The following HNF4G variants were observed in gnomAD, a reference collection of about 807,000 sequenced individuals.
HNF4G encodes the protein hepatocyte nuclear factor 4-gamma.
HNF4G carries 21 observed loss-of-function variants against 50.9 expected under a neutral mutation model. The ratio of observed to expected loss-of-function variants is 0.41; its 90% confidence interval spans 0.29 to 0.59. The LOEUF is 0.59. HNF4G is among the 20% of genes least tolerant of loss of function. The pLI is 0.26. For missense variants in HNF4G, 527 were observed against 559.4 expected, an observed-to-expected ratio of 0.94 and a Z score of 0.58; for synonymous variants, 198 against 185.6, an observed-to-expected ratio of 1.07 and a Z score of -0.54.
rs1045771911 is a variant in HNF4G at position 75,420,581 on chromosome 8, A to G, written c.-144+12419A>G. On this transcript the variant is annotated intron_variant, in intron 1 of 10. Coordinates refer to the HNF4G transcript ENST00000354370. ...GGCCTTCCTTCATCATTTGTGTTCAATATTCCTTCCAAACCCTTCCCCGAT... is the reference window on the plus strand; with the variant it reads ...GGCCTTCCTTCATCATTTGTGTTCAGTATTCCTTCCAAACCCTTCCCCGAT... 2.0e-5 allele frequency among the ~76,000 whole-genome samples: 3 copies of G among 152,164 alleles called. No individual in the cohort carries two copies. The East Asian group carries it at 5.8e-4, about 29-fold the overall frequency.
At chr8:75,445,677 G>T (rs1232099972) in intron 1 of HNF4G, among the ~76,000 whole-genome samples, 8 of 129,128 alleles carry the variant, frequency 6.2e-5, no homozygotes, top group African/African-American at 2.3e-4. Flanking sequence ...CTAGAAAATC[G>T]AGAAGAAATG....
At chr8:75,518,341 A>T (rs2130740145) in intron 2 of HNF4G, among the ~76,000 whole-genome samples, 1 of 152,118 alleles carries the variant, frequency 6.6e-6, no homozygotes, top group African/African-American at 2.4e-5. Flanking sequence ...ATGGCTGCAT[A>T]GTATTCCATG....
At chr8:75,515,699 C>A (rs1008541436) in intron 2 of HNF4G, among the ~76,000 whole-genome samples, 3 of 151,840 alleles carry the variant, frequency 2.0e-5, no homozygotes, top group Non-Finnish European at 4.4e-5. Flanking sequence ...CACCTTTTCT[C>A]TGACTTTTTC....
chr8:75,527,481 A>G (rs548956680), intron 2 of HNF4G, among the ~76,000 whole-genome samples: 1 of 152,286 alleles, frequency 6.6e-6, no homozygotes, highest in African/African-American at 2.4e-5. Context: ...ATGACTTTGT[A>G]AAAAAATGAT....
chr8:75,418,982 C>T (rs1340394821), intron 1 of HNF4G, among the ~76,000 whole-genome samples: 1 of 152,128 alleles, frequency 6.6e-6, no homozygotes, highest in African/African-American at 2.4e-5. Context: ...CTGCCTCGGC[C>T]TCCTGAAGTG....
At chr8:75,502,879 G>T (rs1386699055) in intron 2 of HNF4G, among the ~76,000 whole-genome samples, 1 of 152,156 alleles carries the variant, frequency 6.6e-6, no homozygotes, top group Non-Finnish European at 1.5e-5. Context: ...GTTAGTAGGG[G>T]AGTAGTCCAA....
chr8:75,431,385 T>C (rs1191282283), intron 1 of HNF4G, among the ~76,000 whole-genome samples: 1 of 152,206 alleles, frequency 6.6e-6, no homozygotes, highest in Non-Finnish European at 1.5e-5. Flanking sequence ...TTAATTATGG[T>C]ATAATCACAG....
chr8:75,448,177 G>C (rs1442674890), intron 1 of HNF4G, among the ~76,000 whole-genome samples: 1 of 133,726 alleles, frequency 7.5e-6, no homozygotes, highest in African/African-American at 2.8e-5. Flanking sequence ...GTAAACTATC[G>C]CAAGAACAAA....
chr8:75,485,407 AC>A (rs1368088750), intron 1 of HNF4G, among the ~76,000 whole-genome samples: 1 of 152,188 alleles, frequency 6.6e-6, no homozygotes, highest in Non-Finnish European at 1.5e-5. Context: ...GAACAATTTA[AC>A]CCAAAATCAA....
At chr8:75,537,364 C>T (rs1241628613), upstream of HNF4G, among the ~76,000 whole-genome samples, 2 of 152,076 alleles carry the variant, frequency 1.3e-5, no homozygotes, top group African/African-American at 4.8e-5. Flanking sequence ...CTGCCTCAGC[C>T]TCCTGAGTAG....
At chr8:75,419,578 T>G (rs1810732111) in intron 1 of HNF4G, among the ~76,000 whole-genome samples, 1 of 152,206 alleles carries the variant, frequency 6.6e-6, no homozygotes, top group Non-Finnish European at 1.5e-5. Context: ...AAAGGGCAGT[T>G]TCTGTATTTG....
rs192940216 is a variant in HNF4G at position 75,564,233 on chromosome 8, T to G, written c.*137T>G. On this transcript the variant is annotated 3_prime_UTR_variant, in exon 10 of 10. Coordinates refer to ENST00000396423, the MANE Select transcript of HNF4G (RefSeq NM_004133.5). The stretch of plus-strand genomic sequence containing the variant: ...TGTTATAAGATGGTGTCCTATTTTC[T>G]TGTTTATACGTTCATTCTGTTTGTT... 3 of 811,590 alleles carry G rather than the reference T, an allele frequency of 3.7e-6. No individual in the cohort carries two copies. The Admixed American group carries it at 7.9e-5, about 21-fold the overall frequency. The allele number at this position is 811,590 out of a possible 1,614,324, so 50.3% of individuals were successfully genotyped here.
rs1010367041 is a variant in HNF4G at position 75,523,128 on chromosome 8, G to A, written c.-23-20683G>A. On this transcript the variant is annotated intron_variant, in intron 2 of 10. Coordinates refer to the HNF4G transcript ENST00000354370. ...TAATCGCAGCTACTTGGGAGGCTGA[G>A]GCAGGAGAATTGCTTGAGCCTGGGA... 6.6e-5 allele frequency among the ~76,000 whole-genome samples: 10 copies of A among 152,212 alleles called. No individual in the cohort carries two copies. The East Asian group carries it at 1.6e-3, about 24-fold the overall frequency.
chr8:75,558,092 A>G (rs1412867648), intron 6 of HNF4G, among the ~76,000 whole-genome samples: 1 of 152,186 alleles, frequency 6.6e-6, no homozygotes, highest in Non-Finnish European at 1.5e-5. Flanking sequence ...TCAATAGTGT[A>G]TGCCTAGAAT....
Position 75,564,235 on chromosome 8 carries a change from G to T in HNF4G, c.*139G>T. On this transcript the variant is annotated 3_prime_UTR_variant, in exon 10 of 10. Transcript: ENST00000396423. ...TTATAAGATGGTGTCCTATTTTCTT[G>T]TTTATACGTTCATTCTGTTTGTTAT... 1 of 780,812 alleles carries T rather than the reference G, an allele frequency of 1.3e-6. No homozygotes were observed. The highest frequency in any genetic ancestry group is 1.8e-5 in the African/African-American group (1 of 56,978). 48.4% of individuals were successfully genotyped at this position (780,812 alleles called of 1,614,324 possible). A position where few individuals can be genotyped will look rare whatever the true frequency, so the allele number is the denominator to read the frequency against.
chr8:75,435,863 G>A (rs1370383341), intron 1 of HNF4G, among the ~76,000 whole-genome samples: 3 of 152,104 alleles, frequency 2.0e-5, no homozygotes. Context: ...CAAAGTGTTG[G>A]AATTACAGGT....
At chr8:75,412,049 A>G (rs1261015121) in intron 1 of HNF4G, among the ~76,000 whole-genome samples, 2 of 152,126 alleles carry the variant, frequency 1.3e-5, no homozygotes, top group East Asian at 1.9e-4. Context: ...ACTTGTTTTT[A>G]TTGATCTTCT....
chr8:75,499,488 C>A (rs1181601234), intron 2 of HNF4G, among the ~76,000 whole-genome samples: 1 of 151,894 alleles, frequency 6.6e-6, no homozygotes, highest in Non-Finnish European at 1.5e-5. Flanking sequence ...ATAGTCCTAA[C>A]AAAATTCCAG....
intron 1 of HNF4G, among the ~76,000 whole-genome samples, chr8:75,483,778 T>G (rs1472183065): frequency 5.3e-5 from 8 of 152,138 alleles, no homozygotes; most frequent in Admixed American, 3.9e-4. Context: ...CTCTTAAAAT[T>G]TATTATAATA....
Sources: gnomAD v4.1 joint callset for allele counts (sites outside exome capture counted in the v4.1 genomes callset) on GRCh38, gnomAD v4.1.1 for gene constraint, MANE v1.5 for transcripts, NCBI Gene and HGNC (gene_info 2026-07-23, HGNC 2026-07-21) for gene names.